The following EDARADD variants were observed in gnomAD, a reference collection of about 807,000 sequenced individuals.
EDARADD encodes the protein EDAR associated via death domain.
In EDARADD, 20 loss-of-function variants were observed where a neutral mutation model predicts 25.6. The observed-to-expected ratio is 0.78, with a 90% CI of 0.55 to 1.14. The LOEUF is 1.14. Ranked by LOEUF, EDARADD falls within the 50% of genes most tolerant of loss-of-function variation. EDARADD has a pLI of 0.00. For missense variants in EDARADD, 225 were observed against 270.1 expected, an observed-to-expected ratio of 0.83 and a Z score of 1.17; for synonymous variants, 86 against 94.4, an observed-to-expected ratio of 0.91 and a Z score of 0.52.
intron 4 of EDARADD, among the ~76,000 whole-genome samples, chr1:236,455,118 A>G (rs1349076046): frequency 6.6e-6 from 1 of 152,194 alleles, no homozygotes; most frequent in Non-Finnish European, 1.5e-5. Context: ...GCTGAAGCAG[A>G]AGAATCGCTT....
At chr1:236,393,391 C>CTTTTTTTTTTTTTTTTTTTTTT (rs761525038), upstream of EDARADD, among the ~76,000 whole-genome samples, 35 of 87,194 alleles carry the variant, frequency 4.0e-4, 4 homozygotes, top group African/African-American at 1.7e-3. Flanking sequence ...TTCTTTCTTT[C>CTTTTTTTTTTTTTTTTTTTTTT]TTTTTTTTTT....
upstream of EDARADD, among the ~76,000 whole-genome samples, chr1:236,394,048 TG>T (rs1379125935): frequency 6.6e-6 from 1 of 151,612 alleles, no homozygotes; most frequent in Non-Finnish European, 1.5e-5. Context: ...TTTGATATAA[TG>T]CAGAATGGGA....
At chr1:236,460,530 A>G (rs1051361669) in intron 4 of EDARADD, among the ~76,000 whole-genome samples, 2 of 152,174 alleles carry the variant, frequency 1.3e-5, no homozygotes. Context: ...ACTGTCAAAT[A>G]ATAGATATAT....
intron 4 of EDARADD, among the ~76,000 whole-genome samples, chr1:236,447,208 CTTTCTTT>C (rs770494255): frequency 1.1e-4 from 4 of 35,922 alleles, no homozygotes; most frequent in African/African-American, 3.2e-4. Context: ...TTCTTTCTTT[CTTTCTTT>C]CTTTCTTTCC....
intron 3 of EDARADD, among the ~76,000 whole-genome samples, chr1:236,354,704 A>C (rs1666954658): frequency 6.6e-6 from 1 of 152,176 alleles, no homozygotes; most frequent in Non-Finnish European, 1.5e-5. Flanking sequence ...TGGCCTTAGA[A>C]ACACTTTCCT....
rs1201683716 is a variant in EDARADD at position 236,386,318 on chromosome 1, C to G, written c.-5-22898C>G. Among the ~76,000 whole-genome samples, 3 of 32,452 alleles carry G rather than the reference C, an allele frequency of 9.2e-5. 1 individual carries two copies. Among genetic ancestry groups the G allele is most frequent in the African/African-American group, 2.7e-4 (3 of 11,246 alleles). The allele number at this position is 32,452 out of a possible 152,430, so 21.3% of individuals were successfully genotyped here. ...CCTCCCAAAGTGCCGAGATTGCAGC[C>G]TCTGCCCGGCCGCCACCCCGTCTGG... is the stretch of plus-strand genomic sequence containing the variant. On this transcript the variant is annotated intron_variant, in intron 3 of 7. Coordinates refer to the EDARADD transcript ENST00000439430.
chr1:236,415,203 C>T (rs1055508168), intron 3 of EDARADD, among the ~76,000 whole-genome samples: 3 of 152,100 alleles, frequency 2.0e-5, no homozygotes, highest in African/African-American at 7.2e-5. Context: ...GGACATTGGC[C>T]AGGTCTGAGC....
chr1:236,373,308 C>T (rs554732158), intron 3 of EDARADD, among the ~76,000 whole-genome samples: 96 of 152,148 alleles, frequency 6.3e-4, no homozygotes, highest in Non-Finnish European at 1.1e-3. Flanking sequence ...CTGGTTCAAG[C>T]GATTCTCCTG....
At chr1:236,477,238 G>A (rs569966927) in intron 5 of EDARADD, among the ~76,000 whole-genome samples, 3 of 152,056 alleles carry the variant, frequency 2.0e-5, no homozygotes, top group South Asian at 4.2e-4. Flanking sequence ...GATTATGGCC[G>A]GGCACGGTGG....
Position 236,484,168 on chromosome 1 carries a change from A to G in EDARADD, c.*1519A>G, listed in dbSNP as rs1206837527. ...AGGACAGCCTCGGCCGTGAATGAGAAGAAGTGCAACTGCCTCCTGCTCAAA... is the reference window on the plus strand; with the variant it reads ...AGGACAGCCTCGGCCGTGAATGAGAGGAAGTGCAACTGCCTCCTGCTCAAA... On this transcript the variant is annotated 3_prime_UTR_variant, in exon 6 of 6. Transcript: ENST00000334232. This position sits in a 1 kb window ranked among gnomAD's most constrained non-coding sequence, Gnocchi z 4.1. 8.0e-7 allele frequency: 1 copy of G among 1,255,102 alleles called. No homozygotes were observed. Among genetic ancestry groups the G allele is most frequent in the Non-Finnish European group, 1.2e-6 (1 of 853,656 alleles). 77.7% of individuals were successfully genotyped at this position (1,255,102 alleles called of 1,614,324 possible).
chr1:236,348,937 T>TA (rs1489663962), exon 2 of EDARADD: 3 of 152,156 alleles, frequency 2.0e-5, no homozygotes, highest in African/African-American at 7.2e-5. Context: ...TACAGCTTCC[T>TA]ACTGATTTTG....
intron 4 of EDARADD, among the ~76,000 whole-genome samples, chr1:236,451,134 A>T (rs1419236352): frequency 6.6e-6 from 1 of 152,070 alleles, no homozygotes; most frequent in Non-Finnish European, 1.5e-5. Flanking sequence ...TCTGCTACTC[A>T]ATACTGTATG....
chr1:236,417,117 AAAATAAATAAATAAATAAAT>A (rs59744483), intron 3 of EDARADD, among the ~76,000 whole-genome samples: 1 of 150,514 alleles, frequency 6.6e-6, no homozygotes, highest in African/African-American at 2.4e-5. Flanking sequence ...CCCTGTCTCA[AAAATAAATAAATAAATAAAT>A]AAATAAATAA....
chr1:236,425,506 C>T (rs146297350), intron 3 of EDARADD, among the ~76,000 whole-genome samples: 1 of 152,196 alleles, frequency 6.6e-6, no homozygotes, highest in African/African-American at 2.4e-5. Flanking sequence ...CCGTGGCTGA[C>T]CTGGGGATGC....
At chr1:236,389,266 A>G (rs566831103) in intron 3 of EDARADD, among the ~76,000 whole-genome samples, 44 of 152,294 alleles carry the variant, frequency 2.9e-4, no homozygotes, top group African/African-American at 9.9e-4. Flanking sequence ...CCCTCTGCAC[A>G]GCCACACTTT....
intron 5 of EDARADD, 46 bp from the exon 6 acceptor site, chr1:236,482,221 G>T: frequency 1.2e-6 from 2 of 1,611,412 alleles, no homozygotes; most frequent in Non-Finnish European, 1.7e-6. Context: ...GAATGCATAT[G>T]TTAGGCCTCT....
intron 4 of EDARADD, among the ~76,000 whole-genome samples, chr1:236,464,843 C>A (rs989179572): frequency 1.3e-5 from 2 of 152,060 alleles, no homozygotes; most frequent in Admixed American, 1.3e-4. Context: ...CTTCTCAGGT[C>A]CTTCTCAAGG....
At chr1:236,464,423 CTTTTTTTTT>C (rs35064410) in intron 4 of EDARADD, among the ~76,000 whole-genome samples, 123 of 72,976 alleles carry the variant, frequency 1.7e-3, no homozygotes, top group Middle Eastern at 7.7e-3. Flanking sequence ...CTTGCTGCAA[CTTTTTTTTT>C]TTTTTTTTTT....
chr1:236,405,822 T>TTTTC (rs1667711824), intron 1 of EDARADD, among the ~76,000 whole-genome samples: 5 of 55,392 alleles, frequency 9.0e-5, no homozygotes, highest in Admixed American at 2.1e-4. Context: ...CCTTCCTTCC[T>TTTTC]TTCCTTCCTT....
Sources: gnomAD v4.1 joint callset for allele counts (sites outside exome capture counted in the v4.1 genomes callset) on GRCh38, gnomAD v4.1.1 for gene constraint, Gnocchi (gnomAD v3.1) non-coding constraint, MANE v1.5 for transcripts, NCBI Gene and HGNC (gene_info 2026-07-23, HGNC 2026-07-21) for gene names.